Variants in RHOD observed in about 807,000 individuals in gnomAD.
RHOD encodes the protein rho-related GTP-binding protein RhoD.
Under a neutral mutation model 16.7 loss-of-function variants are expected in RHOD, and 11 were observed. The observed-to-expected ratio is 0.66, with a 90% CI of 0.41 to 1.09. The LOEUF (loss-of-function observed/expected upper bound fraction) is 1.09, where lower values mean the gene tolerates loss of function less well. RHOD is among the 50% of genes least tolerant of loss of function. The probability of loss-of-function intolerance (pLI) is 0.00; values close to 1 mark genes in which losing one functional copy is unlikely to be tolerated. For synonymous variants in RHOD, 124 were observed against 126.3 expected (o/e 0.98, Z 0.12); for missense variants, 271 against 291.7 (o/e 0.93, Z 0.52).
At chr11:67,068,492 G>A (rs1486669241) in intron 3 of RHOD, among the ~76,000 whole-genome samples, 1 of 152,110 alleles carries the variant, frequency 6.6e-6, no homozygotes, top group Non-Finnish European at 1.5e-5. Context: ...GGGTTATCGA[G>A]GGATCAGTAG....
chr11:67,071,384 A>C (rs1855027495), intron 4 of RHOD, 51 bp from the exon 5 acceptor site: 6 of 1,495,178 alleles, frequency 4.0e-6, no homozygotes, highest in Non-Finnish European at 5.4e-6. Flanking sequence ...CGAGAACGTG[A>C]GGCCTGCCCA....
chr11:67,070,367 G>A (rs1855012902), intron 3 of RHOD, 58 bp from the exon 4 acceptor site: 4 of 1,587,280 alleles, frequency 2.5e-6, no homozygotes, highest in African/African-American at 2.7e-5. Flanking sequence ...CCACTGAGAG[G>A]GCCAGAACTC....
chr11:67,061,753 A>ATATATATATAT (rs1555071094), intron 1 of RHOD, among the ~76,000 whole-genome samples: 5 of 126,224 alleles, frequency 4.0e-5, no homozygotes, highest in African/African-American at 1.2e-4. Flanking sequence ...AAAAAAAAAA[A>ATATATATATAT]AAATATATAT....
chr11:67,067,430 C>T (rs957243813), intron 3 of RHOD, among the ~76,000 whole-genome samples: 6 of 152,172 alleles, frequency 3.9e-5, no homozygotes, highest in African/African-American at 9.7e-5. Context: ...GGACTGACCA[C>T]GTGCCAGGCA....
intron 1 of RHOD, among the ~76,000 whole-genome samples, chr11:67,058,231 A>G (rs1033836475): frequency 1.3e-5 from 2 of 152,180 alleles, no homozygotes; most frequent in African/African-American, 4.8e-5. Context: ...GTTAGAGTGC[A>G]GTGGCACAAT....
At chr11:67,068,842 C>T (rs1854990464) in intron 3 of RHOD, among the ~76,000 whole-genome samples, 1 of 151,936 alleles carries the variant, frequency 6.6e-6, no homozygotes, top group Non-Finnish European at 1.5e-5. Context: ...CAGTGGGAGC[C>T]ACCAAGGAAA....
At chr11:67,070,232 G>A (rs955056832) in intron 3 of RHOD, 193 bp from the exon 4 acceptor site, 29 of 691,014 alleles carry the variant, frequency 4.2e-5, no homozygotes, top group African/African-American at 2.8e-4. Context: ...CCACGGCCTC[G>A]GGGAATTAAT....
At chr11:67,058,040 G>T (rs1336989912) in intron 1 of RHOD, among the ~76,000 whole-genome samples, 1 of 152,052 alleles carries the variant, frequency 6.6e-6, no homozygotes, top group African/African-American at 2.4e-5. Context: ...TGTCACCCAG[G>T]CTGGAGTGAT....
Position 67,071,848 on chromosome 11 carries a change from C to G in RHOD, c.*246C>G, listed in dbSNP as rs1000513718. 3 of 437,116 alleles carry G rather than the reference C, an allele frequency of 6.9e-6. No homozygotes were observed. Among genetic ancestry groups the G allele is most frequent in the African/African-American group, 6.1e-5 (3 of 48,934 alleles). 27.1% of individuals were successfully genotyped at this position (437,116 alleles called of 1,614,324 possible). A position where few individuals can be genotyped will look rare whatever the true frequency, so the allele number is the denominator to read the frequency against. On this transcript the variant is annotated 3_prime_UTR_variant, in exon 5 of 5. Transcript: ENST00000308831. ...CACTCGCTAACCCCTATGCCCGGTC[C>G]CGGACCGACATCCTGGAGCCGCCTG... is the stretch of plus-strand genomic sequence containing the variant.
chr11:67,064,842 G>C (rs1854938413), intron 1 of RHOD, among the ~76,000 whole-genome samples: 1 of 152,072 alleles, frequency 6.6e-6, no homozygotes. Context: ...CCAGGAGTTT[G>C]GGGTTGCAGT....
chr11:67,063,099 A>G (rs1465211722), intron 1 of RHOD, among the ~76,000 whole-genome samples: 1 of 151,546 alleles, frequency 6.6e-6, no homozygotes, highest in Non-Finnish European at 1.5e-5. Flanking sequence ...AGGCCCAAAC[A>G]TGGGGCACTG....
At chr11:67,059,975 A>C (rs1854866811) in intron 1 of RHOD, among the ~76,000 whole-genome samples, 1 of 152,256 alleles carries the variant, frequency 6.6e-6, no homozygotes, top group Non-Finnish European at 1.5e-5. Flanking sequence ...GATTCAGGGC[A>C]GCAGGGGAGG....
At chr11:67,063,693 C>T (rs1315171766) in intron 1 of RHOD, among the ~76,000 whole-genome samples, 2 of 147,824 alleles carry the variant, frequency 1.4e-5, no homozygotes, top group South Asian at 4.3e-4. Flanking sequence ...CAGCTACTCA[C>T]AAGGCTGAGG....
rs144292569 is a variant in RHOD, at chr11:67,071,464, G to A, written c.495G>A (p.Ala165=). ...AGGAGATGGCGAGGTCCGTGGGCGC[G>A]GTGGCCTACCTCGAGTGCTCGGCTC... ...RGQEMARSVG[A]VAYLECSARL... The change falls in exon 5 of 5, where the codon GCG becomes GCA. Residue 165 remains alanine, a synonymous_variant. Transcript: ENST00000308831. The A allele has an allele frequency of 1.2e-6, 2 of 1,600,820 alleles. No individual in the cohort carries two copies. Among genetic ancestry groups the A allele is most frequent in the East Asian group, 2.2e-5 (1 of 44,652 alleles).
At chr11:67,062,761 G>A (rs371150544) in intron 1 of RHOD, among the ~76,000 whole-genome samples, 10 of 152,146 alleles carry the variant, frequency 6.6e-5, no homozygotes, top group African/African-American at 9.7e-5. Context: ...GGCCGCACCC[G>A]GCATGGGAAG....
Position 67,070,427 on chromosome 11 carries a change from G to T in RHOD, c.333G>T (p.Trp111Cys). Residue 111 changes from tryptophan (W) to cysteine (C), a missense_variant and splice_region_variant, in exon 4 of 5, where the codon TGG (tryptophan) becomes TGT (cysteine). Transcript: ENST00000308831. ...PNSFDNIFNR[W>C]YPEVNHFCKK... ...CATGCCCCCTCGCCCCCCTGCAGTG[G>T]TACCCAGAAGTGAATCATTTCTGCA... 1.9e-6 allele frequency: 3 copies of T among 1,613,834 alleles called. No individual in the cohort carries two copies. Among genetic ancestry groups the T allele is most frequent in the Non-Finnish European group, 2.5e-6 (3 of 1,179,948 alleles).
At chr11:67,070,025 T>C (rs1188570721) in intron 3 of RHOD, among the ~76,000 whole-genome samples, 1 of 152,122 alleles carries the variant, frequency 6.6e-6, no homozygotes, top group Non-Finnish European at 1.5e-5. Context: ...TACTTCCTTA[T>C]ATGTTTTGCT....
chr11:67,056,974 C>T lies in RHOD; in HGVS notation c.72C>T (p.Gly24=), dbSNP rs774961671. The part of the protein sequence containing the change: ...GVRSVKVVLV[G]DGGCGKTSLL... Reference sequence around the variant, plus strand: ...GGTCCGTCAAGGTGGTCCTGGTGGGCGACGGCGGCTGCGGGAAGACGTCGC... The same window carrying T: ...GGTCCGTCAAGGTGGTCCTGGTGGGTGACGGCGGCTGCGGGAAGACGTCGC... The change falls in exon 1 of 5, where the codon GGC becomes GGT. Residue 24 remains glycine (G), a synonymous_variant. Coordinates refer to ENST00000308831, the MANE Select transcript of RHOD (RefSeq NM_014578.4). The T allele has an allele frequency of 6.2e-5, 93 of 1,505,902 alleles. No homozygotes were observed. Among genetic ancestry groups the T allele is most frequent in the Non-Finnish European group, 7.6e-5 (86 of 1,136,668 alleles). 93.3% of individuals were successfully genotyped at this position (1,505,902 alleles called of 1,614,324 possible). A position where few individuals can be genotyped will look rare whatever the true frequency, so the allele number is the denominator to read the frequency against.
chr11:67,065,273 ACC>A (rs1208565183), intron 1 of RHOD, among the ~76,000 whole-genome samples: 2 of 152,192 alleles, frequency 1.3e-5, no homozygotes, highest in Admixed American at 6.5e-5. Context: ...ACAGGGTTTC[ACC>A]ATGTTGGTCA....
Sources: allele counts gnomAD v4.1 joint callset (sites outside exome capture counted in the v4.1 genomes callset), GRCh38; gene constraint gnomAD v4.1.1; transcripts MANE v1.5; gene names NCBI Gene and HGNC (gene_info 2026-07-23, HGNC 2026-07-21).